SNRPN: variants seen among roughly 807,000 people sequenced by gnomAD.
The protein encoded by SNRPN is small nuclear ribonucleoprotein polypeptide N, also known as small nuclear ribonucleoprotein-associated protein N.
SNRPN carries 7 observed loss-of-function variants against 25.2 expected under a neutral mutation model. That is an observed-to-expected ratio of 0.28 (90% CI 0.16 to 0.52). The LOEUF is 0.52. Ranked by LOEUF, SNRPN falls within the 20% of genes least tolerant of loss-of-function variation. The probability of loss-of-function intolerance (pLI) is 0.96; values close to 1 mark genes in which losing one functional copy is unlikely to be tolerated. For missense variants in SNRPN, 196 were observed against 322.5 expected (o/e 0.61, Z 3.00); for synonymous variants, 124 against 110.6 (o/e 1.12, Z -0.76).
intron 2 of SNRPN, among the ~76,000 whole-genome samples, chr15:24,889,261 T>C (rs2057447507): frequency 6.6e-6 from 1 of 151,858 alleles, no homozygotes; most frequent in African/African-American, 2.4e-5. Flanking sequence ...TTGATTTATT[T>C]TAAAATATAA....
Position 24,871,591 on chromosome 15 carries a change from A to G in SNRPN, c.-579+14875A>G, listed in dbSNP as rs147124523. 1.5e-3 allele frequency among the ~76,000 whole-genome samples: 228 copies of G among 152,084 alleles called. 5 individuals carry two copies. The highest frequency in any genetic ancestry group is 4.5e-3 in the African/African-American group (188 of 41,528). On this transcript the variant is annotated intron_variant, in intron 1 of 11. Transcript: ENST00000400097. ...ATACATATTCTTTGAAGAAATGTCTATTTATACAATTTACCCATTTTTAGT... is the reference window on the plus strand; with the variant it reads ...ATACATATTCTTTGAAGAAATGTCTGTTTATACAATTTACCCATTTTTAGT...
At chr15:24,949,159 T>C (rs1347913182) in intron 3 of SNRPN, among the ~76,000 whole-genome samples, 1 of 151,608 alleles carries the variant, frequency 6.6e-6, no homozygotes. Context: ...GTAGCTGGGA[T>C]TGCAGGCACG....
chr15:24,972,949 G>A (rs150427992), intron 3 of SNRPN, among the ~76,000 whole-genome samples: 341 of 152,234 alleles, frequency 2.2e-3, no homozygotes, highest in African/African-American at 7.9e-3. Flanking sequence ...GTACAGTGGT[G>A]CCATCTCAGC....
At position 24,929,889 on chromosome 15, in the gene SNRPN, T is replaced by C. The variant is rs144583583; in HGVS notation, c.-391+9765T>C. Among the ~76,000 whole-genome samples the C allele has an allele frequency of 1.3e-3, 195 of 152,204 alleles. 1 individual carries two copies. The highest frequency in any genetic ancestry group is 3.4e-3 in the Middle Eastern group (1 of 294). On this transcript the variant is annotated intron_variant, in intron 3 of 11. Transcript: ENST00000400097. This position sits in a 1 kb window ranked among gnomAD's most constrained non-coding sequence, Gnocchi z 5.3. ...AACCTGAACACATGTACATCTATTATGTATCAATAAAAAAATGGCCAGGCA... is the reference window on the plus strand; with the variant it reads ...AACCTGAACACATGTACATCTATTACGTATCAATAAAAAAATGGCCAGGCA...
intron 2 of SNRPN, among the ~76,000 whole-genome samples, chr15:24,837,873 C>T (rs1231581209): frequency 6.6e-6 from 1 of 151,140 alleles, no homozygotes; most frequent in Non-Finnish European, 1.5e-5. Context: ...ATAGCATGCA[C>T]CACAATGCCC....
intron 2 of SNRPN, among the ~76,000 whole-genome samples, chr15:24,900,850 C>T (rs2058398565): frequency 6.6e-6 from 1 of 152,154 alleles, no homozygotes; most frequent in African/African-American, 2.4e-5. Flanking sequence ...AATCCCAGCA[C>T]TTTGGATGCC....
At chr15:24,860,457 T>C (rs1236049764) in intron 1 of SNRPN, among the ~76,000 whole-genome samples, 1 of 152,214 alleles carries the variant, frequency 6.6e-6, no homozygotes, top group Non-Finnish European at 1.5e-5. Context: ...GAGAATTGTG[T>C]TGTTCATTTA....
At chr15:24,923,895 G>A (rs1253263186) in intron 3 of SNRPN, among the ~76,000 whole-genome samples, 1 of 114,094 alleles carries the variant, frequency 8.8e-6, no homozygotes, top group African/African-American at 3.6e-5. Flanking sequence ...GTGTGTGTGT[G>A]TGTGTGTGTG....
chr15:24,842,567 A>G (rs1375867381), intron 2 of SNRPN, among the ~76,000 whole-genome samples: 2 of 152,144 alleles, frequency 1.3e-5, no homozygotes. Context: ...TACATATCTC[A>G]GGGCAGACAT....
chr15:24,869,652 C>G (rs1440416235), intron 1 of SNRPN, among the ~76,000 whole-genome samples: 2 of 152,114 alleles, frequency 1.3e-5, no homozygotes, highest in Non-Finnish European at 2.9e-5. Context: ...TCATTGTAAC[C>G]ACATCATATC....
intron 2 of SNRPN, among the ~76,000 whole-genome samples, chr15:24,830,239 T>C (rs531946525): frequency 8.8e-4 from 134 of 152,194 alleles, no homozygotes; most frequent in Non-Finnish European, 1.3e-4. Flanking sequence ...TGAAATTACC[T>C]TGCTTTACAG....
At chr15:24,923,179 TACAGGTGTGAGAC>T (rs1328647551) in intron 3 of SNRPN, among the ~76,000 whole-genome samples, 6 of 152,286 alleles carry the variant, frequency 3.9e-5, no homozygotes, top group Non-Finnish European at 7.4e-5. Flanking sequence ...GTGCTGGGAT[TACAGGTGTGAGAC>T]ACCATGCGCG....
intron 2 of SNRPN, among the ~76,000 whole-genome samples, chr15:24,835,106 A>AT (rs1566807602): frequency 1.5e-4 from 3 of 20,676 alleles, no homozygotes; most frequent in East Asian, 4.0e-3. Flanking sequence ...AGATATATAT[A>AT]CTATATATCT....
chr15:24,885,441 G>T (rs1566869992), intron 1 of SNRPN, among the ~76,000 whole-genome samples: 1 of 152,166 alleles, frequency 6.6e-6, no homozygotes, highest in Non-Finnish European at 1.5e-5. Flanking sequence ...TGGTGAGATG[G>T]CATGAGTATC....
rs564856629 is a variant in SNRPN, at chr15:24,864,303, C to T, written c.-579+7587C>T. ...TCGGCCTCCCAAAGTGCTAGGATTA[C>T]AGGCAAGAACCGCCGCTCCCGGCCC... On this transcript the variant is annotated intron_variant, in intron 1 of 11. Coordinates refer to the SNRPN transcript ENST00000400097. Among the ~76,000 whole-genome samples the T allele has an allele frequency of 2.2e-4, 32 of 148,258 alleles. 1 individual carries two copies. In the South Asian group the frequency reaches 6.6e-3, roughly 30 times the overall value.
chr15:24,957,862 A>G (rs901888684), intron 1 of SNRPN, among the ~76,000 whole-genome samples: 19 of 152,270 alleles, frequency 1.2e-4, no homozygotes, highest in Admixed American at 9.2e-4. Context: ...TCTTGCATTC[A>G]GGCCCGGGAT....
Position 24,858,755 on chromosome 15 carries a change from C to T in SNRPN, c.-579+2039C>T, listed in dbSNP as rs532237392. Among the ~76,000 whole-genome samples, 298 of 152,140 alleles carry T rather than the reference C, an allele frequency of 2.0e-3. 1 individual carries two copies. Among genetic ancestry groups the T allele is most frequent in the African/African-American group, 6.6e-3 (272 of 41,508 alleles). On this transcript the variant is annotated intron_variant, in intron 1 of 11. Coordinates refer to the SNRPN transcript ENST00000400097. ...GGCTGAGGTTGCAGTGAGTCAACAT[C>T]GAGCCACTGCACTCCAGTCTGGGTG...
chr15:24,902,779 T>G (rs945001876), intron 2 of SNRPN, among the ~76,000 whole-genome samples: 1 of 152,148 alleles, frequency 6.6e-6, no homozygotes, highest in Admixed American at 6.5e-5. Flanking sequence ...CTGCAGACCT[T>G]TGCGGTGTTA....
chr15:24,873,609 G>T (rs1384128687), intron 1 of SNRPN, among the ~76,000 whole-genome samples: 1 of 151,918 alleles, frequency 6.6e-6, no homozygotes, highest in East Asian at 2.0e-4. Context: ...CACCACGCCT[G>T]CCTAATTTTT....
Sources: allele counts gnomAD v4.1 joint callset (sites outside exome capture counted in the v4.1 genomes callset), GRCh38; gene constraint gnomAD v4.1.1; non-coding constraint Gnocchi (gnomAD v3.1); transcripts MANE v1.5; gene names NCBI Gene and HGNC (gene_info 2026-07-23, HGNC 2026-07-21).